DPYSL3: variants seen among roughly 807,000 people sequenced by gnomAD.
DPYSL3 encodes dihydropyrimidinase like 3.
In DPYSL3, 16 loss-of-function variants were observed where a neutral mutation model predicts 66.1. The ratio of observed to expected loss-of-function variants is 0.24; its 90% CI spans 0.16 to 0.37. The LOEUF (loss-of-function observed/expected upper bound fraction) is 0.37. Ranked by LOEUF, DPYSL3 falls within the 10% of genes least tolerant of loss-of-function variation. DPYSL3 has a pLI of 1.00. For synonymous variants in DPYSL3, 338 were observed against 345.1 expected (o/e 0.98, Z 0.23); for missense variants, 738 against 916.2 (o/e 0.81, Z 2.51).
intron 1 of DPYSL3, among the ~76,000 whole-genome samples, chr5:147,479,767 A>ATC (rs1383490503): frequency 6.6e-6 from 1 of 152,174 alleles, no homozygotes; most frequent in African/African-American, 2.4e-5. Flanking sequence ...TGAAGCAAGC[A>ATC]TAACACCCAA....
At chr5:147,465,989 T>C (rs909498925) in intron 1 of DPYSL3, among the ~76,000 whole-genome samples, 5 of 152,228 alleles carry the variant, frequency 3.3e-5, no homozygotes, top group African/African-American at 1.2e-4. Flanking sequence ...GTGAGATTGA[T>C]ATTAAATAAA....
intron 1 of DPYSL3, among the ~76,000 whole-genome samples, chr5:147,494,970 T>C (rs1188745672): frequency 2.0e-5 from 3 of 151,770 alleles, no homozygotes; most frequent in Non-Finnish European, 4.4e-5. Flanking sequence ...AAGAGCCAGT[T>C]CCTCGAAAGG....
At chr5:147,462,542 T>C (rs1255343815) in intron 1 of DPYSL3, among the ~76,000 whole-genome samples, 1 of 152,134 alleles carries the variant, frequency 6.6e-6, no homozygotes, top group Non-Finnish European at 1.5e-5. Context: ...CCACAACTTC[T>C]TTCAGAGTAA....
At chr5:147,417,030 A>T (rs1296315224) in intron 3 of DPYSL3, among the ~76,000 whole-genome samples, 1 of 152,088 alleles carries the variant, frequency 6.6e-6, no homozygotes, top group South Asian at 2.1e-4. Context: ...ATACAGCCAA[A>T]CTCTAACAGC....
At chr5:147,500,391 A>G (rs1400750869) in intron 1 of DPYSL3, among the ~76,000 whole-genome samples, 1 of 152,154 alleles carries the variant, frequency 6.6e-6, no homozygotes, top group South Asian at 2.1e-4. Flanking sequence ...AGGTGGGCGG[A>G]TCACCTGAGG....
At chr5:147,495,980 G>C (rs1228225891) in intron 1 of DPYSL3, among the ~76,000 whole-genome samples, 1 of 152,156 alleles carries the variant, frequency 6.6e-6, no homozygotes. Flanking sequence ...GAGGCATCAT[G>C]CTACCTGACT....
At chr5:147,483,098 A>G (rs762109591) in intron 1 of DPYSL3, among the ~76,000 whole-genome samples, 1 of 152,156 alleles carries the variant, frequency 6.6e-6, no homozygotes, top group Non-Finnish European at 1.5e-5. Flanking sequence ...AAGCAAAACC[A>G]TATGGCGGTG....
At position 147,415,709 on chromosome 5, in the gene DPYSL3, C is replaced by G. The variant is rs770538365; in HGVS notation, c.820G>C (p.Gly274Arg). The change falls in exon 4 of 14, where the codon GGG (glycine) becomes CGG (arginine). Residue 274 changes from glycine to arginine, a missense_variant and splice_region_variant. By Grantham distance (125) the Gly-to-Arg change is moderately radical. Transcript: ENST00000343218. The stretch of plus-strand genomic sequence containing the variant: ...GGGAGGACGGCATGTCCGGGCTCAC[C>G]TTTGTCCTTGATGAGGTTCTGCACT... ...QEVQNLIKDK[G>R]VNSFMVYMAY... is the part of the protein sequence containing the mutation. 1 of 1,613,622 alleles carries G rather than the reference C, an allele frequency of 6.2e-7. No individual in the cohort carries two copies. Among genetic ancestry groups the G allele is most frequent in the South Asian group, 1.1e-5 (1 of 90,978 alleles).
intron 7 of DPYSL3, 111 bp from the exon 8 acceptor site, chr5:147,405,841 T>C: frequency 7.0e-7 from 1 of 1,435,624 alleles, no homozygotes; most frequent in East Asian, 2.3e-5. Flanking sequence ...ATGGATAATT[T>C]TGGCAGGATC....
Position 147,395,540 on chromosome 5 carries a change from A to G in DPYSL3, c.1966+19T>C. ...CCCTTCCCCCTTCTCTTATCTTTTG[A>G]TGAGCCTGTCCCACTCACCTGACAG... On this transcript the variant is annotated intron_variant, in intron 13 of 13. Coordinates refer to ENST00000343218, the MANE Select transcript of DPYSL3 (RefSeq NM_001197294.2). 1 of 1,600,030 alleles carries G rather than the reference A, an allele frequency of 6.2e-7. No individual in the cohort carries two copies. Among genetic ancestry groups the G allele is most frequent in the South Asian group, 1.1e-5 (1 of 88,916 alleles).
At chr5:147,505,891 T>C (rs1034327949) in intron 1 of DPYSL3, among the ~76,000 whole-genome samples, 4 of 152,236 alleles carry the variant, frequency 2.6e-5, no homozygotes, top group Non-Finnish European at 5.9e-5. Context: ...GCTGGTCATA[T>C]TAAAATAAGG....
chr5:147,421,004 G>T (rs1752066219), intron 2 of DPYSL3, among the ~76,000 whole-genome samples: 1 of 152,210 alleles, frequency 6.6e-6, no homozygotes, highest in Non-Finnish European at 1.5e-5. Context: ...CGTATTGGAA[G>T]TTCTGGCCAG....
In DPYSL3 at chr5:147,509,210, A is replaced by C. The variant is rs1049622812; in HGVS notation, c.381+268T>G. ...GACCGGATGGCCCAGGAGTGCGGCG[A>C]GGAGGCAGGGGCAAAGGACGCGGCT... On this transcript the variant is annotated intron_variant, in intron 1 of 13. Transcript: ENST00000343218. This position sits in a 1 kb window ranked among gnomAD's most constrained non-coding sequence, Gnocchi z 5.3. Among the ~76,000 whole-genome samples, 5 of 152,104 alleles carry C rather than the reference A, an allele frequency of 3.3e-5. No homozygotes were observed. The highest frequency in any genetic ancestry group is 9.7e-5 in the African/African-American group (4 of 41,436).
intron 1 of DPYSL3, among the ~76,000 whole-genome samples, chr5:147,503,973 T>G (rs1159787411): frequency 1.3e-5 from 2 of 152,256 alleles, no homozygotes; most frequent in Non-Finnish European, 2.9e-5. Context: ...ACAAACATAT[T>G]TTAATGTTAC....
At chr5:147,463,248 G>A (rs1056076699) in intron 1 of DPYSL3, among the ~76,000 whole-genome samples, 2 of 152,160 alleles carry the variant, frequency 1.3e-5, no homozygotes, top group African/African-American at 2.4e-5. Flanking sequence ...TTGGTGAGTA[G>A]AGCAAGCTGA....
intron 1 of DPYSL3, chr5:147,453,983 CT>C (rs77634681): frequency 9.0e-3 from 1,470 of 163,896 alleles, no homozygotes; most frequent in Middle Eastern, 0.021. Flanking sequence ...CTTTTTCTTT[CT>C]TTTTTTTTTT....
chr5:147,448,640 C>G (rs1031980452), intron 1 of DPYSL3, among the ~76,000 whole-genome samples: 14 of 152,196 alleles, frequency 9.2e-5, no homozygotes, highest in African/African-American at 3.4e-4. Context: ...CTCTTAGTAG[C>G]TCAGTGCAAT....
Position 147,497,245 on chromosome 5 carries a change from T to A in DPYSL3, c.381+12233A>T, listed in dbSNP as rs533958866. Among the ~76,000 whole-genome samples, 372 of 107,844 alleles carry A rather than the reference T, an allele frequency of 3.4e-3. 3 individuals carry two copies. The Middle Eastern group carries it at 0.045, about 13-fold the overall frequency. 70.7% of individuals were successfully genotyped at this position (107,844 alleles called of 152,430 possible). A position where few individuals can be genotyped will look rare whatever the true frequency, so the allele number is the denominator to read the frequency against. On this transcript the variant is annotated intron_variant, in intron 1 of 13. Transcript: ENST00000343218. ...AAGGGGAACATCACACACCAGGGAC[T>A]GTTGTGGGGTGGGGGGAGGGGGAAG...
At chr5:147,441,982 T>C (rs1752540802) in intron 1 of DPYSL3, among the ~76,000 whole-genome samples, 1 of 152,172 alleles carries the variant, frequency 6.6e-6, no homozygotes, top group African/African-American at 2.4e-5. Flanking sequence ...AGGCCCTTTC[T>C]CTCTATAAGG....
Sources: gnomAD v4.1 joint callset for allele counts (sites outside exome capture counted in the v4.1 genomes callset) on GRCh38, gnomAD v4.1.1 for gene constraint, Gnocchi (gnomAD v3.1) non-coding constraint, MANE v1.5 for transcripts, NCBI Gene and HGNC (gene_info 2026-07-23, HGNC 2026-07-21) for gene names.